The following DNAAF5 variants were observed in gnomAD, a reference collection of about 807,000 sequenced individuals.
DNAAF5 encodes the protein dynein axonemal assembly factor 5.
In DNAAF5, 64 loss-of-function variants were observed where a neutral mutation model predicts 75.8. That is an observed-to-expected ratio of 0.84 (90% CI 0.69 to 1.04). The LOEUF is 1.04. Ranked by LOEUF, DNAAF5 falls within the 50% of genes least tolerant of loss-of-function variation. DNAAF5 has a pLI of 0.00. For synonymous variants in DNAAF5, 657 were observed against 557.2 expected (o/e 1.18, Z -2.52); for missense variants, 1,269 against 1,178.5 (o/e 1.08, Z -1.12).
rs1216382496 is a variant in DNAAF5 at position 738,747 on chromosome 7, C to T, written c.781-2072C>T. ...GAGACTGATAGAAAAGGTGGCAGTCCGTGAGACTCAGGAGCAGCCCCAAAT... is the reference window on the plus strand; with the variant it reads ...GAGACTGATAGAAAAGGTGGCAGTCTGTGAGACTCAGGAGCAGCCCCAAAT... On this transcript the variant is annotated intron_variant, in intron 2 of 12. Transcript: ENST00000297440. Among the ~76,000 whole-genome samples, 4 of 152,162 alleles carry T rather than the reference C, an allele frequency of 2.6e-5. No individual in the cohort carries two copies. The East Asian group carries it at 7.7e-4, about 29-fold the overall frequency.
At position 728,649 on chromosome 7, in the gene DNAAF5, C is replaced by T. The variant is rs79704949; in HGVS notation, c.596-1014C>T. Among the ~76,000 whole-genome samples, 602 of 152,344 alleles carry T rather than the reference C, an allele frequency of 4.0e-3. 5 individuals are homozygous for T. Among genetic ancestry groups the T allele is most frequent in the African/African-American group, 0.014 (568 of 41,564 alleles). ...CAACCACTTCCCTACCCAGTCTGTA[C>T]ATCAGCCCCACGAGCTCCCTCCCTG... On this transcript the variant is annotated intron_variant, in intron 1 of 12. Transcript: ENST00000297440.
At chr7:785,385 C>T in intron 12 of DNAAF5, 132 bp from the exon 13 acceptor site, 2 of 971,544 alleles carry the variant, frequency 2.1e-6, no homozygotes, top group South Asian at 3.0e-5. Flanking sequence ...TGTATGTCCA[C>T]CCAGCAGCGT....
rs1446737214 is a variant in DNAAF5 at position 740,918 on chromosome 7, C to T, written c.880C>T (p.Leu294Phe). ...HKLIPLLLSS[L>F]NDEVPEVRQL... is the part of the protein sequence containing the mutation. The stretch of plus-strand genomic sequence containing the variant: ...GCTCATCCCTCTGCTGCTCAGTAGC[C>T]TCAACGACGAGGTGCCTGAGGTCAG... The change falls in exon 3 of 13, where the codon CTC becomes TTC. Residue 294 changes from leucine to phenylalanine, a missense_variant. Physicochemically the swap from Leu to Phe is conservative, Grantham distance 22 (BLOSUM62 0). Coordinates refer to ENST00000297440, the MANE Select transcript of DNAAF5 (RefSeq NM_017802.4). 6.2e-7 allele frequency: 1 copy of T among 1,613,794 alleles called. No individual in the cohort carries two copies. Among genetic ancestry groups the T allele is most frequent in the South Asian group, 1.1e-5 (1 of 91,088 alleles).
At chr7:727,343 C>T (rs1342042536) in intron 1 of DNAAF5, 28 bp downstream of exon 1, 3 of 1,195,698 alleles carry the variant, frequency 2.5e-6, no homozygotes, top group Non-Finnish European at 2.1e-6. Context: ...CGCTCCCACA[C>T]GCCACCCCAC....
intron 8 of DNAAF5, among the ~76,000 whole-genome samples, chr7:764,431 T>C (rs116715915): frequency 0.016 from 2,461 of 152,326 alleles, 72 homozygotes; most frequent in African/African-American, 0.052. Context: ...CCAGTGGGGC[T>C]TCAGCGCGGG....
intron 12 of DNAAF5, 65 bp downstream of exon 12, chr7:780,209 T>C: frequency 8.7e-6 from 13 of 1,489,132 alleles, no homozygotes; most frequent in South Asian, 1.2e-5. Flanking sequence ...CGGGCATCTG[T>C]AGCTGAGCCG....
chr7:737,672 G>A (rs996395581), intron 2 of DNAAF5, among the ~76,000 whole-genome samples: 1 of 152,170 alleles, frequency 6.6e-6, no homozygotes, highest in Admixed American at 6.6e-5. Flanking sequence ...ATGTTTGAAG[G>A]ATTTTTCACT....
rs1045111234 is a variant in DNAAF5, at chr7:754,700, C to T, written c.1136C>T (p.Ser379Leu). Reference protein sequence around the residue: ...TDWVVGTRVKSAQLLPVLLLH... With the variant: ...TDWVVGTRVKLAQLLPVLLLH... ...TGGGTGGTGGGGACCCGAGTGAAGT[C>T]GGCACAGCTGCTCCCAGTGCTGCTG... The change falls in exon 5 of 13, where the codon TCG (serine) becomes TTG (leucine). Residue 379 changes from serine (S) to leucine (L), a missense_variant. By Grantham distance (145) the Ser-to-Leu change is moderately radical. Coordinates refer to ENST00000297440, the MANE Select transcript of DNAAF5 (RefSeq NM_017802.4). The surrounding 1 kb of genome is among the most constrained non-coding windows in gnomAD (Gnocchi z 4.8). The T allele has an allele frequency of 8.7e-6, 14 of 1,613,864 alleles. No homozygotes were observed. The highest frequency in any genetic ancestry group is 1.1e-5 in the Non-Finnish European group (13 of 1,180,022).
chr7:761,971 C>G (rs1583503103), intron 7 of DNAAF5, 75 bp downstream of exon 7: 1 of 445,498 alleles, frequency 2.2e-6, no homozygotes, highest in East Asian at 5.4e-5. Flanking sequence ...GTGAGGTGAA[C>G]TGTCTCCTAT....
Position 780,334 on chromosome 7 carries a change from A to G in DNAAF5, c.2431+190A>G, listed in dbSNP as rs75211383. 4.5e-3 allele frequency among the ~76,000 whole-genome samples: 689 copies of G among 152,362 alleles called. 3 individuals are homozygous for G. The highest frequency in any genetic ancestry group is 0.016 in the African/African-American group (650 of 41,588). On this transcript the variant is annotated intron_variant, in intron 12 of 12. Transcript: ENST00000297440. ...TGTCTTTGTGGTGATAGCTGCTGAC[A>G]TTTCCTCTAACAGAAATCAAAACTG... is the stretch of plus-strand genomic sequence containing the variant.
At chr7:782,260 T>A (rs1778982286) in intron 12 of DNAAF5, among the ~76,000 whole-genome samples, 1 of 149,630 alleles carries the variant, frequency 6.7e-6, no homozygotes, top group South Asian at 2.1e-4. Context: ...CTTCGCGGCG[T>A]GGCCACCTCC....
chr7:756,721 C>T, intron 5 of DNAAF5, 61 bp from the exon 6 acceptor site: 1 of 1,528,774 alleles, frequency 6.5e-7, no homozygotes, highest in Non-Finnish European at 9.0e-7. Context: ...GCGCCGAGAG[C>T]AGGAGCCCGG....
chr7:769,516 G>C (rs975180764), intron 8 of DNAAF5, among the ~76,000 whole-genome samples: 1 of 152,028 alleles, frequency 6.6e-6, no homozygotes, highest in Non-Finnish European at 1.5e-5. Context: ...TTGGCCCTGA[G>C]TGTGGGCGGG....
intron 2 of DNAAF5, among the ~76,000 whole-genome samples, chr7:736,815 A>T: frequency 6.6e-6 from 1 of 150,582 alleles, no homozygotes. Flanking sequence ...TATGAAGATG[A>T]TTTTCTCTGG....
At chr7:769,721 G>C (rs895220735) in intron 8 of DNAAF5, among the ~76,000 whole-genome samples, 1 of 152,158 alleles carries the variant, frequency 6.6e-6, no homozygotes, top group Non-Finnish European at 1.5e-5. Context: ...GCAATAGTGC[G>C]ATCTCAGCTC....
chr7:740,030 T>C (rs990754931), intron 2 of DNAAF5, among the ~76,000 whole-genome samples: 28 of 150,322 alleles, frequency 1.9e-4, no homozygotes, highest in African/African-American at 6.9e-4. Flanking sequence ...CACCACGGAG[T>C]CGGCCCCTGG....
chr7:757,116 C>T, intron 6 of DNAAF5, 122 bp downstream of exon 6: 1 of 947,200 alleles, frequency 1.1e-6, no homozygotes, highest in Non-Finnish European at 1.6e-6. Flanking sequence ...CGGAAGCACC[C>T]AGCGACGTGT....
intron 1 of DNAAF5, among the ~76,000 whole-genome samples, chr7:728,047 C>A (rs1562370660): frequency 6.6e-6 from 1 of 152,128 alleles, no homozygotes; most frequent in Non-Finnish European, 1.5e-5. Context: ...CCCTGCCTTT[C>A]CGCTCTGGCT....
At chr7:768,891 A>T (rs1778452716) in intron 8 of DNAAF5, 1 of 507,302 alleles carries the variant, frequency 2.0e-6, no homozygotes, top group Non-Finnish European at 3.6e-6. Context: ...ACAGTCAGAA[A>T]CTGGGTCAGA....
Sources: gnomAD v4.1 joint callset for allele counts (sites outside exome capture counted in the v4.1 genomes callset) on GRCh38, gnomAD v4.1.1 for gene constraint, Gnocchi (gnomAD v3.1) non-coding constraint, MANE v1.5 for transcripts, NCBI Gene and HGNC (gene_info 2026-07-23, HGNC 2026-07-21) for gene names.